PLCE1: variants seen among roughly 807,000 people sequenced by gnomAD.
The protein encoded by PLCE1 is 1-phosphatidylinositol 4,5-bisphosphate phosphodiesterase epsilon-1.
PLCE1 carries 119 observed loss-of-function variants against 242.8 expected under a neutral mutation model. The observed-to-expected ratio is 0.49, with a 90% CI of 0.42 to 0.57. The LOEUF is 0.57. PLCE1 is among the 20% of genes least tolerant of loss of function. The pLI, the probability that PLCE1 is intolerant of heterozygous loss-of-function variation, is 0.00. For synonymous variants in PLCE1, 945 were observed against 1,017.4 expected, an observed-to-expected ratio of 0.93 and a Z score of 1.35; for missense variants, 2,441 against 2,788.8, an observed-to-expected ratio of 0.88 and a Z score of 2.81.
At chr10:94,265,521 G>A (rs1268271499) in intron 14 of PLCE1, 126 bp from the exon 15 acceptor site, 1 of 824,046 alleles carries the variant, frequency 1.2e-6, no homozygotes, top group African/African-American at 1.7e-5. Flanking sequence ...TACTAAATTA[G>A]TTCAAATATT....
intron 4 of PLCE1, among the ~76,000 whole-genome samples, chr10:94,198,440 T>G (rs1028411317): frequency 6.6e-6 from 1 of 152,254 alleles, no homozygotes; most frequent in Non-Finnish European, 1.5e-5. Context: ...TTTCCTTTTT[T>G]AAATTGAACT....
intron 26 of PLCE1, among the ~76,000 whole-genome samples, chr10:94,308,288 T>A (rs78718235): frequency 6.6e-6 from 1 of 152,226 alleles, no homozygotes; most frequent in Non-Finnish European, 1.5e-5. Context: ...AGTCTGTTAG[T>A]GCTTCATTCA....
chr10:94,073,947 G>A (rs2044430666), intron 2 of PLCE1, among the ~76,000 whole-genome samples: 1 of 152,106 alleles, frequency 6.6e-6, no homozygotes, highest in Admixed American at 6.6e-5. Context: ...GATCAATGAG[G>A]GATTTGATAT....
At chr10:94,292,187 T>TA (rs1481099365) in intron 22 of PLCE1, among the ~76,000 whole-genome samples, 1 of 152,094 alleles carries the variant, frequency 6.6e-6, no homozygotes, top group Non-Finnish European at 1.5e-5. Flanking sequence ...ACTTTGGAGG[T>TA]AAAAGAAAAC....
chr10:94,268,896 C>T (rs762496167), intron 16 of PLCE1, 33 bp from the exon 17 acceptor site: 37 of 1,252,754 alleles, frequency 3.0e-5, no homozygotes, highest in Non-Finnish European at 4.1e-5. Flanking sequence ...TCCAGGTGCT[C>T]ACCTGGGGTG....
rs1253397010 is a variant in PLCE1, at chr10:94,331,544, T to C, written c.*3601T>C. On this transcript the variant is annotated 3_prime_UTR_variant, in exon 33 of 33. Coordinates refer to ENST00000371380, the MANE Select transcript of PLCE1 (RefSeq NM_016341.4). ...CCTGGCTGGTGTCTTTGATCTTACA[T>C]TGGCAGCCTGCAGGGAAAGTGCTCT... 1 of 152,220 alleles carries C rather than the reference T, an allele frequency of 6.6e-6. No individual in the cohort carries two copies. The highest frequency in any genetic ancestry group is 1.5e-5 in the Non-Finnish European group (1 of 68,060). 9.4% of individuals were successfully genotyped at this position (152,220 alleles called of 1,614,324 possible).
intron 2 of PLCE1, among the ~76,000 whole-genome samples, chr10:94,087,687 C>T (rs181370630): frequency 6.6e-5 from 10 of 152,260 alleles, no homozygotes; most frequent in Admixed American, 5.9e-4. Flanking sequence ...AAGCCATCCT[C>T]CCACTTCGTC....
chr10:94,062,988 T>C (rs1038496087), intron 2 of PLCE1, among the ~76,000 whole-genome samples: 4 of 152,156 alleles, frequency 2.6e-5, no homozygotes, highest in Non-Finnish European at 5.9e-5. Context: ...TCACCTTCCA[T>C]TGCCTTCTCA....
intron 3 of PLCE1, among the ~76,000 whole-genome samples, chr10:94,145,372 C>T (rs1178972266): frequency 6.6e-6 from 1 of 152,166 alleles, no homozygotes; most frequent in Non-Finnish European, 1.5e-5. Flanking sequence ...CTGTTCCCTC[C>T]AGGCCCAGGT....
chr10:94,053,253 A>G (rs1022686764), intron 2 of PLCE1, among the ~76,000 whole-genome samples: 6 of 152,210 alleles, frequency 3.9e-5, no homozygotes, highest in African/African-American at 1.4e-4. Context: ...AATAACACCT[A>G]ATCTAGAGAG....
chr10:94,168,674 A>G (rs957366763), intron 3 of PLCE1, among the ~76,000 whole-genome samples: 41 of 152,328 alleles, frequency 2.7e-4, no homozygotes, highest in African/African-American at 9.6e-4. Context: ...GCAGTTTCCC[A>G]TATGACATCT....
At chr10:94,084,762 A>G (rs1293352750) in intron 2 of PLCE1, among the ~76,000 whole-genome samples, 1 of 152,170 alleles carries the variant, frequency 6.6e-6, no homozygotes, top group Non-Finnish European at 1.5e-5. Context: ...CCAATGATAC[A>G]CCTCAGGGTA....
rs374590036 is a variant in PLCE1, at chr10:94,198,065, C to T, written c.1809+26569C>T. Among the ~76,000 whole-genome samples, 1,061 of 132,960 alleles carry T rather than the reference C, an allele frequency of 8.0e-3. 16 individuals are homozygous for T. Among genetic ancestry groups the T allele is most frequent in the African/African-American group, 0.033 (1,019 of 30,452 alleles). 87.2% of individuals were successfully genotyped at this position (132,960 alleles called of 152,430 possible). On this transcript the variant is annotated intron_variant, in intron 4 of 32. Transcript: ENST00000371380. ...ACCTGTTGGATGAACTGATGAACCACCCCCCACCAAAAAAAAAAAAGATAT... is the reference window on the plus strand; with the variant it reads ...ACCTGTTGGATGAACTGATGAACCATCCCCCACCAAAAAAAAAAAAGATAT...
At chr10:94,057,356 A>C (rs974050785) in intron 2 of PLCE1, among the ~76,000 whole-genome samples, 1 of 152,176 alleles carries the variant, frequency 6.6e-6, no homozygotes, top group African/African-American at 2.4e-5. Context: ...TAAAACGCTC[A>C]TAACAGATTA....
At chr10:94,022,854 G>A (rs1268392220) in intron 1 of PLCE1, among the ~76,000 whole-genome samples, 2 of 152,076 alleles carry the variant, frequency 1.3e-5, no homozygotes, top group African/African-American at 4.8e-5. Flanking sequence ...TAATGGACAA[G>A]GATTGGGCTC....
intron 2 of PLCE1, among the ~76,000 whole-genome samples, chr10:94,102,562 A>T (rs773844047): frequency 1.3e-5 from 2 of 152,226 alleles, no homozygotes; most frequent in African/African-American, 2.4e-5. Flanking sequence ...GGCTTTGCCC[A>T]TTGCTAGGCA....
At chr10:94,102,053 G>T (rs1462339384) in intron 2 of PLCE1, among the ~76,000 whole-genome samples, 1 of 152,134 alleles carries the variant, frequency 6.6e-6, no homozygotes, top group East Asian at 1.9e-4. Flanking sequence ...GGGCAAATGG[G>T]TTTTTTCTCC....
chr10:94,074,187 C>CTTT (rs1015998359), intron 2 of PLCE1, among the ~76,000 whole-genome samples: 47 of 123,128 alleles, frequency 3.8e-4, no homozygotes, highest in African/African-American at 4.8e-4. Flanking sequence ...CCAAGCAGTT[C>CTTT]TTTTTTTTTT....
chr10:94,270,778 T>C (rs1410547530), intron 18 of PLCE1, among the ~76,000 whole-genome samples, 176 bp downstream of exon 18: 1 of 152,162 alleles, frequency 6.6e-6, no homozygotes, highest in African/African-American at 2.4e-5. Context: ...CAAGCGATTG[T>C]CCTGCCTCAG....
Sources: gnomAD v4.1 joint callset for allele counts (sites outside exome capture counted in the v4.1 genomes callset) on GRCh38, gnomAD v4.1.1 for gene constraint, MANE v1.5 for transcripts, NCBI Gene and HGNC (gene_info 2026-07-23, HGNC 2026-07-21) for gene names.